Variants in MSANTD1 observed in about 807,000 individuals in gnomAD.
MSANTD1 encodes the protein Myb/SANT DNA binding domain containing 1.
Under a neutral mutation model 24.2 loss-of-function variants are expected in MSANTD1, and 7 were observed. The observed-to-expected ratio is 0.29, with a 90% CI of 0.16 to 0.54. The LOEUF is 0.54. MSANTD1 is among the 20% of genes least tolerant of loss of function. The pLI is 0.94. For missense variants in MSANTD1, 384 were observed against 408.2 expected, an observed-to-expected ratio of 0.94 and a Z score of 0.51; for synonymous variants, 177 against 181.1, an observed-to-expected ratio of 0.98 and a Z score of 0.18.
intron 1 of MSANTD1, among the ~76,000 whole-genome samples, chr4:3,251,463 C>A (rs115185946): frequency 1.6e-3 from 249 of 152,248 alleles, no homozygotes; most frequent in African/African-American, 5.5e-3. Flanking sequence ...TGCACCGGTG[C>A]ACTGCACGTC....
At chr4:3,251,693 C>CTT (rs59741098) in intron 1 of MSANTD1, among the ~76,000 whole-genome samples, 2,156 of 137,586 alleles carry the variant, frequency 0.016, 31 homozygotes, top group African/African-American at 0.041. Flanking sequence ...TTTTCTTTTT[C>CTT]TTTTTTTTTT....
At chr4:3,253,574 C>A (rs921752784) in intron 2 of MSANTD1, 92 bp downstream of exon 2, 2 of 1,346,650 alleles carry the variant, frequency 1.5e-6, no homozygotes, top group African/African-American at 3.0e-5. Flanking sequence ...CCGGCGGCGG[C>A]GGCCACAGTG....
intron 2 of MSANTD1, among the ~76,000 whole-genome samples, 198 bp from the exon 3 acceptor site, chr4:3,255,527 C>G (rs1722358225): frequency 6.6e-6 from 1 of 152,192 alleles, no homozygotes; most frequent in African/African-American, 2.4e-5. Flanking sequence ...CCCGGCCACC[C>G]CTGTTACTTT....
chr4:3,253,140 G>A, intron 1 of MSANTD1, 67 bp from the exon 2 acceptor site: 1 of 1,441,560 alleles, frequency 6.9e-7, no homozygotes, highest in East Asian at 2.6e-5. Flanking sequence ...CCTCTGCTGA[G>A]GCTGGGCAGG....
intron 2 of MSANTD1, among the ~76,000 whole-genome samples, chr4:3,255,248 T>G (rs1722350936): frequency 6.6e-6 from 1 of 151,472 alleles, no homozygotes; most frequent in Non-Finnish European, 1.5e-5. Context: ...TTTTTTTTTT[T>G]GAGACGGAGT....
rs1441282499 is a variant in MSANTD1 at position 3,249,184 on chromosome 4, G to A, written c.-39G>A. 1 of 1,333,052 alleles carries A rather than the reference G, an allele frequency of 7.5e-7. No homozygotes were observed. Among genetic ancestry groups the A allele is most frequent in the African/African-American group, 1.5e-5 (1 of 64,756 alleles). 82.6% of individuals were successfully genotyped at this position (1,333,052 alleles called of 1,614,324 possible). A position where few individuals can be genotyped will look rare whatever the true frequency, so the allele number is the denominator to read the frequency against. Reference sequence around the variant, plus strand: ...AGATGTAGGCCCCATTTTGAGCGTGGAGCTGCCTTCGAGCGAGCGTGAGCG... The same window carrying A: ...AGATGTAGGCCCCATTTTGAGCGTGAAGCTGCCTTCGAGCGAGCGTGAGCG... On this transcript the variant is annotated 5_prime_UTR_variant, in exon 1 of 3. Transcript: ENST00000438480.
At chr4:3,255,119 C>T (rs1439353063) in intron 2 of MSANTD1, among the ~76,000 whole-genome samples, 2 of 152,236 alleles carry the variant, frequency 1.3e-5, no homozygotes, top group African/African-American at 4.8e-5. Context: ...CAGCCCAGAA[C>T]ATCCCACCCT....
At position 3,255,788 on chromosome 4, in the gene MSANTD1, G is replaced by A. The variant is rs1017824982; in HGVS notation, c.660G>A (p.Leu220=). 6.5e-7 allele frequency: 1 copy of A among 1,546,982 alleles called. No individual in the cohort carries two copies. Among genetic ancestry groups the A allele is most frequent in the Non-Finnish European group, 8.7e-7 (1 of 1,146,672 alleles). ...GCTGCCACCTGCAGAAGAAGCAGCT[G>A]CGGCTGCTGGAGGCCATGGTGGAGG... ...VQSCHLQKKQ[L]RLLEAMVEEQ... The change falls in exon 3 of 3, where the codon CTG becomes CTA. Residue 220 remains leucine, a synonymous_variant. Coordinates refer to ENST00000438480, the MANE Select transcript of MSANTD1 (RefSeq NM_001042690.2).
chr4:3,255,688 G>T, intron 2 of MSANTD1, 37 bp from the exon 3 acceptor site: 3 of 1,493,754 alleles, frequency 2.0e-6, no homozygotes, highest in Non-Finnish European at 1.8e-6. Flanking sequence ...CCCAGGCTCT[G>T]TGGCCAGCAC....
chr4:3,253,979 C>T (rs1256275465), intron 2 of MSANTD1, among the ~76,000 whole-genome samples: 1 of 152,214 alleles, frequency 6.6e-6, no homozygotes, highest in South Asian at 2.1e-4. Flanking sequence ...ATGACCCGTC[C>T]CCTCTGCCAT....
upstream of MSANTD1, chr4:3,249,037 C>G (rs181488340): frequency 2.0e-5 from 10 of 509,274 alleles, no homozygotes; most frequent in Middle Eastern, 5.3e-4. Flanking sequence ...AGCCCTGATT[C>G]CTGTGCTTTC....
chr4:3,249,025 G>A, upstream of MSANTD1: 1 of 484,422 alleles, frequency 2.1e-6, no homozygotes. Flanking sequence ...GCCCGTCAGT[G>A]CAGCCCTGAT....
upstream of MSANTD1, among the ~76,000 whole-genome samples, chr4:3,246,165 C>G (rs971293631): frequency 9.9e-5 from 15 of 152,178 alleles, no homozygotes; most frequent in Non-Finnish European, 5.9e-5. Flanking sequence ...GGCTCCGGAG[C>G]CTGCCCAGGG....
In MSANTD1 at chr4:3,256,132, C is replaced by T. The variant is rs111983276; in HGVS notation, c.*167C>T. ...CCTTCTGAGGGGTATTTTGAGGAAC[C>T]CCCAGGCCCTGGGGACCGTGAGGCT... On this transcript the variant is annotated 3_prime_UTR_variant, in exon 3 of 3. Coordinates refer to ENST00000438480, the MANE Select transcript of MSANTD1 (RefSeq NM_001042690.2). The T allele has an allele frequency of 1.4e-3, 1,138 of 810,224 alleles. 11 individuals carry two copies. In the African/African-American group the frequency reaches 0.015, roughly 10 times the overall value. 50.2% of individuals were successfully genotyped at this position (810,224 alleles called of 1,614,324 possible). A position where few individuals can be genotyped will look rare whatever the true frequency, so the allele number is the denominator to read the frequency against.
chr4:3,247,231 T>G (rs113821469), upstream of MSANTD1, among the ~76,000 whole-genome samples: 62 of 152,242 alleles, frequency 4.1e-4, no homozygotes, highest in African/African-American at 1.5e-3. Flanking sequence ...CTGTTACCCC[T>G]GTTGTGGAGG....
At chr4:3,244,952 A>C (rs1338908368), upstream of MSANTD1, 1 of 152,262 alleles carries the variant, frequency 6.6e-6, no homozygotes, top group East Asian at 1.9e-4. Flanking sequence ...GGCCTAAAGC[A>C]TTTGGGGCGG....
At position 3,253,497 on chromosome 4, in the gene MSANTD1, T is replaced by C; in HGVS notation, c.596+15T>C. 6.6e-7 allele frequency: 1 copy of C among 1,505,986 alleles called. No homozygotes were observed. Among genetic ancestry groups the C allele is most frequent in the South Asian group, 1.4e-5 (1 of 73,324 alleles). The allele number at this position is 1,505,986 out of a possible 1,614,324, so 93.3% of individuals were successfully genotyped here. On this transcript the variant is annotated intron_variant, in intron 2 of 2. Transcript: ENST00000438480. ...CTTAAGTTCAGGTAGTGTGTCTGCT[T>C]GTCCTTCCCCTGCCCTGGGGTATCT...
chr4:3,256,229 T>A lies in MSANTD1; in HGVS notation c.*264T>A, dbSNP rs1722389017. On this transcript the variant is annotated 3_prime_UTR_variant, in exon 3 of 3. Coordinates refer to ENST00000438480, the MANE Select transcript of MSANTD1 (RefSeq NM_001042690.2). ...CTGGGGTTCACTCCGAGTAAGAACG[T>A]CCTAGAGCCACTCTCCAGTGTCGTT... 5.3e-6 allele frequency: 2 copies of A among 376,946 alleles called. No homozygotes were observed. Among genetic ancestry groups the A allele is most frequent in the South Asian group, 1.3e-4 (2 of 15,646 alleles). The allele number at this position is 376,946 out of a possible 1,614,324, so 23.4% of individuals were successfully genotyped here.
intron 2 of MSANTD1, among the ~76,000 whole-genome samples, chr4:3,254,015 G>C (rs928137098): frequency 2.6e-5 from 4 of 152,234 alleles, no homozygotes; most frequent in Admixed American, 6.5e-5. Context: ...GACCCGTCCC[G>C]TGCTGGCCAC....
Sources: allele counts gnomAD v4.1 joint callset (sites outside exome capture counted in the v4.1 genomes callset), GRCh38; gene constraint gnomAD v4.1.1; transcripts MANE v1.5; gene names NCBI Gene and HGNC (gene_info 2026-07-23, HGNC 2026-07-21).